UBR1: variants seen among roughly 807,000 people sequenced by gnomAD.
UBR1 encodes the protein E3 ubiquitin-protein ligase UBR1.
In UBR1, 102 loss-of-function variants were observed where a neutral mutation model predicts 242.1. The ratio of observed to expected loss-of-function variants is 0.42; its 90% CI spans 0.36 to 0.50. The LOEUF (loss-of-function observed/expected upper bound fraction) is 0.50. UBR1 is among the 20% of genes least tolerant of loss of function. UBR1 has a pLI of 0.01. For missense variants in UBR1, 1,772 were observed against 2,101.8 expected (o/e 0.84, Z 3.07); for synonymous variants, 675 against 684.8 (o/e 0.99, Z 0.22).
intron 41 of UBR1, 46 bp from the exon 42 acceptor site, chr15:42,964,089 T>A: frequency 7.7e-7 from 1 of 1,291,566 alleles, no homozygotes; most frequent in Non-Finnish European, 1.1e-6. Context: ...TATTCTTACC[T>A]GGTCAATCTG....
At chr15:42,967,110 G>A (rs1006892055) in intron 40 of UBR1, among the ~76,000 whole-genome samples, 12 of 151,220 alleles carry the variant, frequency 7.9e-5, no homozygotes, top group Non-Finnish European at 1.6e-4. Flanking sequence ...GGAGACAGGG[G>A]TCTCACCATG....
At chr15:43,058,955 T>C in intron 9 of UBR1, 130 bp downstream of exon 9, 1 of 783,778 alleles carries the variant, frequency 1.3e-6, no homozygotes, top group South Asian at 1.5e-5. Context: ...TATATTCACA[T>C]GTAGTATCTT....
At chr15:43,060,249 A>G (rs2033667213) in intron 6 of UBR1, 135 bp from the exon 7 acceptor site, 7 of 842,996 alleles carry the variant, frequency 8.3e-6, no homozygotes, top group East Asian at 7.3e-5. Flanking sequence ...AGATACCGGA[A>G]CAATATCTGA....
At chr15:43,032,530 C>A (rs1434684331) in intron 20 of UBR1, 38 bp downstream of exon 20, 29 of 1,397,366 alleles carry the variant, frequency 2.1e-5, no homozygotes, top group Non-Finnish European at 2.4e-5. Context: ...TAAAAAGTAA[C>A]CCATGTTCTA....
intron 39 of UBR1, among the ~76,000 whole-genome samples, chr15:42,974,170 G>A (rs919991633): frequency 6.6e-6 from 1 of 152,194 alleles, no homozygotes; most frequent in Non-Finnish European, 1.5e-5. Flanking sequence ...TTACAGGCGT[G>A]AGCCACCGTG....
intron 46 of UBR1, among the ~76,000 whole-genome samples, chr15:42,946,424 C>A (rs2031735741): frequency 6.6e-6 from 1 of 152,200 alleles, no homozygotes; most frequent in Non-Finnish European, 1.5e-5. Flanking sequence ...CCGCGGCCGC[C>A]TGGTTGGGGA....
chr15:43,017,864 A>G (rs913664225), intron 27 of UBR1, among the ~76,000 whole-genome samples: 3 of 151,926 alleles, frequency 2.0e-5, no homozygotes, highest in Admixed American at 2.0e-4. Flanking sequence ...CCCTGATTAC[A>G]ACACCTCTAT....
At chr15:43,047,775 T>C (rs2412752) in intron 13 of UBR1, among the ~76,000 whole-genome samples, 119,465 of 152,168 alleles carry the variant, frequency 0.79, 47,805 homozygotes, top group Non-Finnish European at 0.86. Context: ...TTGCTGCACA[T>C]GCAAGTAACC....
intron 1 of UBR1, among the ~76,000 whole-genome samples, chr15:43,099,219 C>G (rs1410343144): frequency 6.6e-6 from 1 of 152,020 alleles, no homozygotes; most frequent in Non-Finnish European, 1.5e-5. Context: ...CACCTGTAAT[C>G]CCAGCTACTC....
At chr15:43,080,867 C>G (rs1285628787) in intron 3 of UBR1, among the ~76,000 whole-genome samples, 3 of 152,064 alleles carry the variant, frequency 2.0e-5, no homozygotes, top group African/African-American at 7.2e-5. Context: ...AAGAGAAATG[C>G]ATGAACACAG....
chr15:43,006,277 A>G lies in UBR1; in HGVS notation c.3415+802T>C, dbSNP rs1840056055. Among the ~76,000 whole-genome samples the G allele has an allele frequency of 2.6e-5, 4 of 152,196 alleles. No homozygotes were observed. In the South Asian group the frequency reaches 8.3e-4, roughly 32 times the overall value. ...ACTCATAGGGCTGTTGTGAGGATTA[A>G]GTAAGTAAATACACATAAAGCACTT... On this transcript the variant is annotated intron_variant, in intron 30 of 46. Transcript: ENST00000290650.
intron 33 of UBR1, among the ~76,000 whole-genome samples, chr15:42,996,238 T>C (rs2032636342): frequency 6.6e-6 from 1 of 152,190 alleles, no homozygotes; most frequent in African/African-American, 2.4e-5. Context: ...TTTCCTCTTG[T>C]ATCATTCTTA....
chr15:43,046,863 G>T (rs1348259155), intron 14 of UBR1, among the ~76,000 whole-genome samples: 2 of 151,934 alleles, frequency 1.3e-5, no homozygotes, highest in East Asian at 3.9e-4. Context: ...AGTCTACTAT[G>T]GTCCTCATTA....
intron 3 of UBR1, among the ~76,000 whole-genome samples, chr15:43,077,416 G>C (rs996907183): frequency 1.3e-5 from 2 of 151,730 alleles, no homozygotes; most frequent in African/African-American, 4.8e-5. Context: ...TTAAGGGTGC[G>C]AGATGTGCTT....
intron 44 of UBR1, among the ~76,000 whole-genome samples, chr15:42,956,937 C>G (rs1427182622): frequency 6.6e-6 from 1 of 152,158 alleles, no homozygotes; most frequent in Admixed American, 6.5e-5. Context: ...TAAAATGGTG[C>G]AACCACTGTG....
chr15:43,055,046 G>C (rs560100451), intron 11 of UBR1, 147 bp from the exon 12 acceptor site: 5 of 973,998 alleles, frequency 5.1e-6, no homozygotes, highest in Admixed American at 2.3e-5. Context: ...TCACTGAATA[G>C]CAACTACTAA....
chr15:43,024,975 G>A lies in UBR1; in HGVS notation c.2593C>T (p.Pro865Ser). The A allele has an allele frequency of 1.2e-6, 2 of 1,614,170 alleles. No homozygotes were observed. The highest frequency in any genetic ancestry group is 1.7e-6 in the Non-Finnish European group (2 of 1,180,014). Residue 865 changes from proline (P) to serine (S), a missense_variant, in exon 25 of 47, where the codon CCA becomes TCA. Pro to Ser is a moderately conservative substitution (Grantham distance 74). Coordinates refer to ENST00000290650, the MANE Select transcript of UBR1 (RefSeq NM_174916.3). ...KQENKDEALP[P>S]PPPPEFCPAF... is the part of the protein sequence containing the mutation. ...GGGCAGAATTCAGGAGGTGGTGGTGGCGGCAATGCTATAGGAGGTGGGGAA... is the reference window on the plus strand; with the variant it reads ...GGGCAGAATTCAGGAGGTGGTGGTGACGGCAATGCTATAGGAGGTGGGGAA...
chr15:43,089,557 C>T (rs2034083150), intron 1 of UBR1, among the ~76,000 whole-genome samples: 1 of 151,976 alleles, frequency 6.6e-6, no homozygotes. Context: ...AAAGTATCTC[C>T]AATGGGAAAG....
intron 3 of UBR1, among the ~76,000 whole-genome samples, chr15:43,080,725 T>TG (rs1295017301): frequency 6.6e-6 from 1 of 151,620 alleles, no homozygotes; most frequent in African/African-American, 2.4e-5. Flanking sequence ...GAGGCCGAGG[T>TG]GGGTGGATCA....
Sources: allele counts gnomAD v4.1 joint callset (sites outside exome capture counted in the v4.1 genomes callset), GRCh38; gene constraint gnomAD v4.1.1; transcripts MANE v1.5; gene names NCBI Gene and HGNC (gene_info 2026-07-23, HGNC 2026-07-21).